Variants in DYNC2I1 observed in about 807,000 individuals in gnomAD.
DYNC2I1 encodes dynein 2 intermediate chain 1, also known as cytoplasmic dynein 2 intermediate chain 1.
DYNC2I1 carries 89 observed loss-of-function variants against 133.4 expected under a neutral mutation model. The observed-to-expected ratio is 0.67, with a 90% CI of 0.56 to 0.80. The LOEUF (loss-of-function observed/expected upper bound fraction) is 0.80. DYNC2I1 is among the 30% of genes least tolerant of loss of function. The pLI, the probability that DYNC2I1 is intolerant of heterozygous loss-of-function variation, is 0.00. For missense variants in DYNC2I1, 1,291 were observed against 1,314.5 expected (o/e 0.98, Z 0.28); for synonymous variants, 504 against 484.3 (o/e 1.04, Z -0.54).
chr7:158,862,533 A>G (rs1442330995), intron 1 of DYNC2I1, among the ~76,000 whole-genome samples: 3 of 146,928 alleles, frequency 2.0e-5, no homozygotes, highest in Non-Finnish European at 4.5e-5. Flanking sequence ...CCTGGGCAAC[A>G]TAGCAAGACC....
the DYNC2I1 span, among the ~76,000 whole-genome samples, chr7:158,840,910 C>T: frequency 6.6e-6 from 1 of 152,146 alleles, no homozygotes; most frequent in Non-Finnish European, 1.5e-5. Context: ...GAGAGCAATG[C>T]CCACGGAGGC....
At chr7:158,874,945 CA>C (rs1275604259) in intron 3 of DYNC2I1, among the ~76,000 whole-genome samples, 1 of 152,118 alleles carries the variant, frequency 6.6e-6, no homozygotes. Flanking sequence ...CCTGAGGTCA[CA>C]AGACCTGGGA....
rs1161241114 is a variant in DYNC2I1, at chr7:158,945,831, A to G, written c.*52A>G. 4.9e-6 allele frequency: 7 copies of G among 1,438,804 alleles called. No individual in the cohort carries two copies. Among genetic ancestry groups the G allele is most frequent in the Non-Finnish European group, 6.4e-6 (7 of 1,087,644 alleles). The allele number at this position is 1,438,804 out of a possible 1,614,324, so 89.1% of individuals were successfully genotyped here. On this transcript the variant is annotated 3_prime_UTR_variant, in exon 25 of 25. Coordinates refer to ENST00000407559, the MANE Select transcript of DYNC2I1 (RefSeq NM_018051.5). The surrounding 1 kb of genome is among the most constrained non-coding windows in gnomAD (Gnocchi z 4.1). ...CTGTAATGACCCAGATTTAAAAGAC[A>G]TAAGGTGGATAATTCTACATTTGTG... is the stretch of plus-strand genomic sequence containing the variant.
At chr7:158,909,350 AAAAAAGAT>A (rs1187331415) in intron 11 of DYNC2I1, among the ~76,000 whole-genome samples, 1 of 151,562 alleles carries the variant, frequency 6.6e-6, no homozygotes. Flanking sequence ...AAAAAAAAAA[AAAAAAGAT>A]AATACTTCAG....
chr7:158,847,027 G>T, the DYNC2I1 span, among the ~76,000 whole-genome samples: 1 of 152,144 alleles, frequency 6.6e-6, no homozygotes, highest in Non-Finnish European at 1.5e-5. Context: ...AAAAGTAAGT[G>T]CTTATCAGAC....
At chr7:158,884,203 C>A (rs1005091581) in intron 5 of DYNC2I1, among the ~76,000 whole-genome samples, 1 of 151,964 alleles carries the variant, frequency 6.6e-6, no homozygotes, top group Non-Finnish European at 1.5e-5. Flanking sequence ...CGCCACCACG[C>A]CCGGCTAATT....
rs781003265 is a variant in DYNC2I1, at chr7:158,891,346, C to T, written c.1059+13C>T. On this transcript the variant is annotated intron_variant, in intron 8 of 24. Coordinates refer to ENST00000407559, the MANE Select transcript of DYNC2I1 (RefSeq NM_018051.5). Reference sequence around the variant, plus strand: ...CGAGGAAACCGTGGTAAGGAGAGTACGTCTTCTTATAGTTTGCAATCCTGT... The same window carrying T: ...CGAGGAAACCGTGGTAAGGAGAGTATGTCTTCTTATAGTTTGCAATCCTGT... 8.7e-6 allele frequency: 14 copies of T among 1,613,658 alleles called. No homozygotes were observed. Among genetic ancestry groups the T allele is most frequent in the South Asian group, 4.4e-5 (4 of 91,084 alleles).
At chr7:158,881,361 C>T (rs534672046) in intron 5 of DYNC2I1, among the ~76,000 whole-genome samples, 1 of 152,350 alleles carries the variant, frequency 6.6e-6, no homozygotes, top group Non-Finnish European at 1.5e-5. Context: ...CTGGACTCCC[C>T]TCTAGTCAGC....
chr7:158,855,125 A>G (rs1284774880), upstream of DYNC2I1, among the ~76,000 whole-genome samples: 1 of 152,238 alleles, frequency 6.6e-6, no homozygotes, highest in Non-Finnish European at 1.5e-5. Context: ...AGAAAGAGTA[A>G]TTTACACAGA....
chr7:158,848,741 G>A, the DYNC2I1 span, among the ~76,000 whole-genome samples: 13 of 152,210 alleles, frequency 8.5e-5, no homozygotes, highest in South Asian at 2.1e-4. Context: ...TGGCTAACAC[G>A]GTGAAACCCC....
intron 12 of DYNC2I1, among the ~76,000 whole-genome samples, chr7:158,912,029 C>A (rs1847532776): frequency 6.6e-6 from 1 of 152,200 alleles, no homozygotes; most frequent in South Asian, 2.1e-4. Flanking sequence ...GGCCAGAGTG[C>A]AGTGGAGTGA....
the DYNC2I1 span, among the ~76,000 whole-genome samples, chr7:158,841,196 TATATATATATATATATATA>T: frequency 3.8e-5 from 3 of 79,820 alleles, no homozygotes; most frequent in Non-Finnish European, 6.7e-5. Flanking sequence ...TATATATATA[TATATATATATATATATATA>T]TATATATTTT....
intron 11 of DYNC2I1, among the ~76,000 whole-genome samples, chr7:158,909,038 G>A (rs996065100): frequency 6.6e-6 from 1 of 152,072 alleles, no homozygotes; most frequent in Non-Finnish European, 1.5e-5. Context: ...ATTAAAAAAT[G>A]ATAATACTTA....
At position 158,856,631 on chromosome 7, in the gene DYNC2I1, T is replaced by C. The variant is rs1283570334; in HGVS notation, c.-105T>C. On this transcript the variant is annotated 5_prime_UTR_variant, in exon 1 of 25. Coordinates refer to ENST00000407559, the MANE Select transcript of DYNC2I1 (RefSeq NM_018051.5). Reference sequence around the variant, plus strand: ...CTCCTGCTTGTCGGTTGCTAGGCGCTGGGACGCGCCTCCCGAAGGGTGCGG... The same window carrying C: ...CTCCTGCTTGTCGGTTGCTAGGCGCCGGGACGCGCCTCCCGAAGGGTGCGG... 1.7e-6 allele frequency: 2 copies of C among 1,159,654 alleles called. No individual in the cohort carries two copies. The highest frequency in any genetic ancestry group is 2.2e-6 in the Non-Finnish European group (2 of 922,382). The allele number at this position is 1,159,654 out of a possible 1,614,324, so 71.8% of individuals were successfully genotyped here.
intron 3 of DYNC2I1, among the ~76,000 whole-genome samples, chr7:158,873,631 A>T (rs915533514): frequency 2.6e-5 from 4 of 152,156 alleles, no homozygotes; most frequent in Non-Finnish European, 5.9e-5. Context: ...TTTATTACTT[A>T]AAGAAATAAA....
At chr7:158,942,266 A>G (rs532697360) in intron 24 of DYNC2I1, 118 bp downstream of exon 24, 28 of 718,212 alleles carry the variant, frequency 3.9e-5, no homozygotes, top group South Asian at 9.0e-5. Flanking sequence ...AGATGTGGCC[A>G]TATGTAAATT....
At chr7:158,880,156 T>C (rs1843853164) in intron 5 of DYNC2I1, among the ~76,000 whole-genome samples, 167 bp downstream of exon 5, 1 of 152,234 alleles carries the variant, frequency 6.6e-6, no homozygotes, top group African/African-American at 2.4e-5. Flanking sequence ...TATAGACAGA[T>C]TACTGATCTC....
chr7:158,936,734 G>A (rs1054104057), intron 23 of DYNC2I1, among the ~76,000 whole-genome samples: 3 of 152,132 alleles, frequency 2.0e-5, no homozygotes, highest in Admixed American at 1.3e-4. Flanking sequence ...TTATTCCACA[G>A]GTCTTCTGAA....
At position 158,923,533 on chromosome 7, in the gene DYNC2I1, T is replaced by C. The variant is rs115436921; in HGVS notation, c.2095-38T>C. On this transcript the variant is annotated intron_variant, in intron 16 of 24. Transcript: ENST00000407559. ...AGCTTGTGTTAGCATGCTTCTCATA[T>C]TCTTCTGTCATTGGCTTTCTGTGCC... The C allele has an allele frequency of 1.4e-3, 2,220 of 1,613,930 alleles. 16 individuals carry two copies. The African/African-American group carries it at 0.02, about 14-fold the overall frequency.
Sources: gnomAD v4.1 joint callset for allele counts (sites outside exome capture counted in the v4.1 genomes callset) on GRCh38, gnomAD v4.1.1 for gene constraint, Gnocchi (gnomAD v3.1) non-coding constraint, MANE v1.5 for transcripts, NCBI Gene and HGNC (gene_info 2026-07-23, HGNC 2026-07-21) for gene names.